Variants in APAF1 observed in about 807,000 individuals in gnomAD.
The protein encoded by APAF1 is apoptotic protease-activating factor 1.
A neutral mutation model predicts 152.4 loss-of-function variants in APAF1; 91 were observed. That is an observed-to-expected ratio of 0.60 (90% confidence interval 0.50 to 0.71). APAF1 has a LOEUF of 0.71. Ranked by LOEUF, APAF1 falls within the 30% of genes least tolerant of loss-of-function variation. The pLI, the probability that APAF1 is intolerant of heterozygous loss-of-function variation, is 0.00. For missense variants in APAF1, 1,283 were observed against 1,472.0 expected (o/e 0.87, Z 2.10); for synonymous variants, 484 against 494.1 (o/e 0.98, Z 0.27).
intron 26 of APAF1, among the ~76,000 whole-genome samples, chr12:98,731,803 G>A (rs1229252307): frequency 6.6e-6 from 1 of 152,186 alleles, no homozygotes; most frequent in Non-Finnish European, 1.5e-5. Context: ...AATATTATAA[G>A]CAAATTCAGT....
chr12:98,648,223 A>G, intron 1 of APAF1, 96 bp from the exon 2 acceptor site: 1 of 1,233,342 alleles, frequency 8.1e-7, no homozygotes. Context: ...AAAAAAAATC[A>G]GTTTTGTTCT....
intron 19 of APAF1, 123 bp downstream of exon 19, chr12:98,706,733 T>G (rs2097721799): frequency 4.4e-6 from 5 of 1,133,070 alleles, no homozygotes; most frequent in Non-Finnish European, 2.6e-6. Context: ...TATATTCCTA[T>G]TCACCCTGGA....
At chr12:98,709,835 T>C (rs748071547) in intron 20 of APAF1, among the ~76,000 whole-genome samples, 2 of 152,134 alleles carry the variant, frequency 1.3e-5, no homozygotes, top group African/African-American at 2.4e-5. Context: ...AGACATAGGA[T>C]TGAGAAGGAC....
intron 4 of APAF1, among the ~76,000 whole-genome samples, chr12:98,657,090 C>T (rs568674551): frequency 6.6e-6 from 1 of 152,340 alleles, no homozygotes; most frequent in East Asian, 1.9e-4. Context: ...TCCCTGATTA[C>T]AGGCTAGACC....
chr12:98,682,474 A>G (rs1286559073), intron 14 of APAF1, among the ~76,000 whole-genome samples: 1 of 152,242 alleles, frequency 6.6e-6, no homozygotes, highest in Non-Finnish European at 1.5e-5. Flanking sequence ...TCCCGTTTAC[A>G]GAAGAGGACG....
chr12:98,689,040 C>T (rs2097701198), intron 16 of APAF1, among the ~76,000 whole-genome samples: 1 of 151,928 alleles, frequency 6.6e-6, no homozygotes. Context: ...GTCTGAAACT[C>T]CTGGGCTCGA....
chr12:98,724,584 A>G (rs912166092), intron 24 of APAF1, among the ~76,000 whole-genome samples: 15 of 152,186 alleles, frequency 9.9e-5, no homozygotes, highest in Admixed American at 5.9e-4. Context: ...ATTATGACTC[A>G]TCTTTCTAGA....
intron 5 of APAF1, among the ~76,000 whole-genome samples, chr12:98,661,502 G>A (rs911175293): frequency 5.9e-5 from 9 of 151,846 alleles, no homozygotes; most frequent in African/African-American, 2.2e-4. Context: ...TTTAGATGGA[G>A]TTTCGCTCTT....
At position 98,665,765 on chromosome 12, in the gene APAF1, CAGA is replaced by C. The variant is rs768708171; in HGVS notation, c.1171_1173del (p.Lys391del). On this transcript the variant is annotated inframe_deletion, in exon 8 of 27. Transcript: ENST00000551964. ...TTATTACACAGATCTTTCCATCCTT[CAGA>C]AGGACGTTAAGGTGCCTACAAAGGT... is the stretch of plus-strand genomic sequence containing the variant. 1 of 1,613,566 alleles carries C rather than the reference CAGA, an allele frequency of 6.2e-7. No individual in the cohort carries two copies. The highest frequency in any genetic ancestry group is 8.5e-7 in the Non-Finnish European group (1 of 1,179,652).
intron 19 of APAF1, among the ~76,000 whole-genome samples, chr12:98,707,977 C>T (rs934329255): frequency 7.9e-5 from 12 of 152,266 alleles, no homozygotes; most frequent in Non-Finnish European, 1.3e-4. Context: ...GACGGAGTCT[C>T]GCTCTGTCGC....
intron 22 of APAF1, among the ~76,000 whole-genome samples, chr12:98,718,917 G>A (rs1447885052): frequency 3.9e-5 from 6 of 152,082 alleles, no homozygotes; most frequent in Non-Finnish European, 7.4e-5. Context: ...CTGGGCAACA[G>A]AGCAAGTCCC....
intron 10 of APAF1, 47 bp downstream of exon 10, chr12:98,667,691 C>T (rs1343558327): frequency 6.3e-7 from 1 of 1,590,652 alleles, no homozygotes; most frequent in Non-Finnish European, 8.6e-7. Flanking sequence ...TCCCTTTTTC[C>T]ATATGTATTA....
At position 98,648,615 on chromosome 12, in the gene APAF1, A is replaced by AT. The variant is rs771522663; in HGVS notation, c.139-3dup. On this transcript the variant is annotated splice_polypyrimidine_tract_variant and intron_variant, in intron 2 of 26. Transcript: ENST00000551964. ...TCATTGTTGTATACTAAACTACTTAATTTTTTTTAGCCCACTCAACAGCAA... is the reference window on the plus strand; with the variant it reads ...TCATTGTTGTATACTAAACTACTTAATTTTTTTTTAGCCCACTCAACAGCAA... 6 of 1,611,602 alleles carry AT rather than the reference A, an allele frequency of 3.7e-6. No individual in the cohort carries two copies. The highest frequency in any genetic ancestry group is 1.1e-5 in the South Asian group (1 of 91,032).
Position 98,712,399 on chromosome 12 carries a change from G to A in APAF1, c.2922G>A (p.Gln974=), listed in dbSNP as rs2097728964. 1 of 1,611,506 alleles carries A rather than the reference G, an allele frequency of 6.2e-7. No individual in the cohort carries two copies. The highest frequency in any genetic ancestry group is 8.5e-7 in the Non-Finnish European group (1 of 1,177,690). The part of the protein sequence containing the change: ...VSCCCLSPHL[Q]YIAFGDENGA... The stretch of plus-strand genomic sequence containing the variant: ...GCTGTTGCTTAAGTCCACATCTTCA[G>A]TACATTGCATTTGGAGATGAAAATG... Residue 974 remains glutamine (Q), a synonymous_variant, in exon 21 of 27, where the codon CAG becomes CAA. Coordinates refer to ENST00000551964, the MANE Select transcript of APAF1 (RefSeq NM_181861.2).
intron 24 of APAF1, 129 bp downstream of exon 24, chr12:98,723,893 G>A: frequency 1.0e-6 from 1 of 1,004,988 alleles, no homozygotes; most frequent in Non-Finnish European, 1.5e-6. Flanking sequence ...TGATCTTTTG[G>A]AGGATGCCCA....
At chr12:98,650,496 T>G (rs563554635) in intron 4 of APAF1, among the ~76,000 whole-genome samples, 14 of 150,402 alleles carry the variant, frequency 9.3e-5, no homozygotes, top group African/African-American at 3.5e-4. Flanking sequence ...CAAAAAAAAG[T>G]TTTTTGTTTT....
intron 16 of APAF1, 25 bp downstream of exon 16, chr12:98,686,898 T>C (rs564532243): frequency 1.9e-6 from 3 of 1,609,316 alleles, no homozygotes; most frequent in East Asian, 2.2e-5. Context: ...ACTATTAAAA[T>C]AGGTTGTATT....
At chr12:98,657,804 A>G (rs141030439) in intron 4 of APAF1, among the ~76,000 whole-genome samples, 231 of 152,308 alleles carry the variant, frequency 1.5e-3, no homozygotes, top group African/African-American at 5.0e-3. Context: ...CAACTTTTCT[A>G]TTCTTCAGTT....
At chr12:98,707,560 G>A (rs983491372) in intron 19 of APAF1, among the ~76,000 whole-genome samples, 4 of 151,854 alleles carry the variant, frequency 2.6e-5, no homozygotes, top group South Asian at 2.1e-4. Flanking sequence ...GCTCATTGAC[G>A]TATCTTACAT....
Sources: gnomAD v4.1 joint callset for allele counts (sites outside exome capture counted in the v4.1 genomes callset) on GRCh38, gnomAD v4.1.1 for gene constraint, MANE v1.5 for transcripts, NCBI Gene and HGNC (gene_info 2026-07-23, HGNC 2026-07-21) for gene names.